Variants in SLC12A5 observed in about 807,000 individuals in gnomAD.
SLC12A5 encodes K-Cl cotransporter 2.
A neutral mutation model predicts 124.0 loss-of-function variants in SLC12A5; 18 were observed. The observed-to-expected ratio is 0.15, with a 90% CI of 0.10 to 0.22. The LOEUF is 0.22. Ranked by LOEUF, SLC12A5 falls within the 10% of genes least tolerant of loss-of-function variation. The probability of loss-of-function intolerance (pLI) is 1.00; values close to 1 mark genes in which losing one functional copy is unlikely to be tolerated. For synonymous variants in SLC12A5, 589 were observed against 568.0 expected (o/e 1.04, Z -0.53); for missense variants, 867 against 1,478.7 (o/e 0.59, Z 6.78).
chr20:46,050,202 T>A (rs2084635637), intron 17 of SLC12A5, among the ~76,000 whole-genome samples: 1 of 152,198 alleles, frequency 6.6e-6, no homozygotes, highest in African/African-American at 2.4e-5. Flanking sequence ...TATCCACATT[T>A]GATACAGGAA....
intron 15 of SLC12A5, among the ~76,000 whole-genome samples, 159 bp downstream of exon 15, chr20:46,047,732 A>G (rs2084608799): frequency 6.6e-6 from 1 of 151,864 alleles, no homozygotes; most frequent in Admixed American, 6.6e-5. Context: ...ATATGGGATG[A>G]CATTGGAAGA....
At position 46,034,948 on chromosome 20, in the gene SLC12A5, GTGA is replaced by G; in HGVS notation, c.56_58del (p.Asp19del). Reference sequence around the variant, plus strand: ...ATCCCTGACCCCTCTCCCTTCTCAGGTGATGGCAACCCCAAGGAAAGCAGTCCC... The same window carrying G: ...ATCCCTGACCCCTCTCCCTTCTCAGGTGGCAACCCCAAGGAAAGCAGTCCC... On this transcript the variant is annotated inframe_deletion and splice_region_variant, in exon 2 of 26. Transcript: ENST00000243964. 6.2e-7 allele frequency: 1 copy of G among 1,613,962 alleles called. No individual in the cohort carries two copies. The highest frequency in any genetic ancestry group is 8.5e-7 in the Non-Finnish European group (1 of 1,179,926).
upstream of SLC12A5, chr20:46,021,796 C>T (rs1347395340): frequency 6.5e-7 from 1 of 1,533,202 alleles, no homozygotes; most frequent in African/African-American, 1.4e-5. Context: ...CACCTCGCTG[C>T]CCCCCGCAGG....
At position 46,058,126 on chromosome 20, in the gene SLC12A5, T is replaced by TA. The variant is rs1029058485; in HGVS notation, c.*522dup. The stretch of plus-strand genomic sequence containing the variant: ...CGGGCGGCCGAGCCTATACATAGTG[T>TA]ACAGGAGACATCGCGTGTATTTTTA... On this transcript the variant is annotated 3_prime_UTR_variant, in exon 26 of 26. Transcript: ENST00000243964. This position sits in a 1 kb window ranked among gnomAD's most constrained non-coding sequence, Gnocchi z 5.8. 6.7e-5 allele frequency: 13 copies of TA among 193,480 alleles called. No individual in the cohort carries two copies. The highest frequency in any genetic ancestry group is 1.3e-4 in the Non-Finnish European group (12 of 95,794). The allele number at this position is 193,480 out of a possible 1,614,324, so 12.0% of individuals were successfully genotyped here. A position where few individuals can be genotyped will look rare whatever the true frequency, so the allele number is the denominator to read the frequency against.
chr20:46,043,475 G>T, intron 9 of SLC12A5, 152 bp downstream of exon 9: 1 of 1,236,380 alleles, frequency 8.1e-7, no homozygotes. Context: ...GGGAATTAAG[G>T]CCAGGAGAAG....
At chr20:46,055,625 C>T (rs2084682817) in intron 21 of SLC12A5, among the ~76,000 whole-genome samples, 1 of 152,100 alleles carries the variant, frequency 6.6e-6, no homozygotes, top group Non-Finnish European at 1.5e-5. Context: ...GACAGAAGGG[C>T]TCCTGGAGGT....
At position 46,035,433 on chromosome 20, in the gene SLC12A5, C is replaced by G; in HGVS notation, c.177C>G (p.Ser59=). Residue 59 remains serine, a synonymous_variant, in exon 3 of 26, where the codon TCC becomes TCG. Coordinates refer to ENST00000243964, the MANE Select transcript of SLC12A5 (RefSeq NM_020708.5). ...EEEMDTSPMV[S]SLLSGLANYT... is the part of the protein sequence containing the mutation. ...AGATGGACACCAGCCCTATGGTGTC[C>G]TCCTTGCTCAGTGGCCTGGCCAACT... 6.2e-7 allele frequency: 1 copy of G among 1,614,018 alleles called. No homozygotes were observed. The highest frequency in any genetic ancestry group is 8.5e-7 in the Non-Finnish European group (1 of 1,179,994).
rs575135513 is a variant in SLC12A5, at chr20:46,049,284, G to A, written c.2013-338G>A. ...TGGATAAGTTTATGTACACGTGGGC[G>A]GGCAAAAGCATGAATCGATGGATGT... On this transcript the variant is annotated intron_variant, in intron 16 of 25. Transcript: ENST00000243964. 3.3e-5 allele frequency among the ~76,000 whole-genome samples: 5 copies of A among 152,258 alleles called. No homozygotes were observed. The South Asian group carries it at 6.2e-4, about 19-fold the overall frequency.
intron 16 of SLC12A5, among the ~76,000 whole-genome samples, chr20:46,049,340 G>T (rs964074358): frequency 5.9e-5 from 9 of 152,170 alleles, no homozygotes; most frequent in African/African-American, 2.2e-4. Context: ...TAGATGTGTG[G>T]ATAATTGAAT....
At chr20:46,026,831 A>G (rs2084403816), upstream of SLC12A5, among the ~76,000 whole-genome samples, 1 of 152,188 alleles carries the variant, frequency 6.6e-6, no homozygotes, top group Admixed American at 6.5e-5. Flanking sequence ...ACTCTAGTGA[A>G]GGTGGACAGA....
chr20:46,044,392 G>C (rs2084575292), intron 11 of SLC12A5, among the ~76,000 whole-genome samples: 1 of 152,170 alleles, frequency 6.6e-6, no homozygotes, highest in African/African-American at 2.4e-5. Flanking sequence ...AAGCCCAGGG[G>C]CTTCAGTCCA....
upstream of SLC12A5, among the ~76,000 whole-genome samples, chr20:46,025,169 C>G (rs960230325): frequency 6.6e-6 from 1 of 152,154 alleles, no homozygotes; most frequent in African/African-American, 2.4e-5. Flanking sequence ...CATAAAAATG[C>G]TAAGATTTTG....
Position 46,056,777 on chromosome 20 carries a change from G to T in SLC12A5, c.3111-120G>T. The T allele has an allele frequency of 8.0e-7, 1 of 1,250,422 alleles. No homozygotes were observed. Among genetic ancestry groups the T allele is most frequent in the Non-Finnish European group, 1.2e-6 (1 of 857,242 alleles). 77.5% of individuals were successfully genotyped at this position (1,250,422 alleles called of 1,614,324 possible). On this transcript the variant is annotated intron_variant, in intron 23 of 25. Transcript: ENST00000243964. This position sits in a 1 kb window ranked among gnomAD's most constrained non-coding sequence, Gnocchi z 4.3. The stretch of plus-strand genomic sequence containing the variant: ...TGCAGGCAGCGGAAAGGTGAAGGGT[G>T]TGGGGGCTGGCAGAGCAGGACTCAG...
At position 46,029,478 on chromosome 20, in the gene SLC12A5, ACCT is replaced by A. The variant is rs537558660; in HGVS notation, c.52+86_52+88del. The A allele has an allele frequency of 4.9e-3, 7,003 of 1,429,760 alleles. 26 individuals are homozygous for A. Among genetic ancestry groups the A allele is most frequent in the Non-Finnish European group, 5.5e-3 (5,855 of 1,056,608 alleles). The allele number at this position is 1,429,760 out of a possible 1,614,324, so 88.6% of individuals were successfully genotyped here. ...TGGGGTTAGAGGCGGAGCGGGGGCC[ACCT>A]CCTTCAGAGAGGAGGCTGGGACTGA... On this transcript the variant is annotated intron_variant, in intron 1 of 25. Coordinates refer to ENST00000243964, the MANE Select transcript of SLC12A5 (RefSeq NM_020708.5).
In SLC12A5 at chr20:46,043,343, G is replaced by A. The variant is rs1416210798; in HGVS notation, c.1237+20G>A. On this transcript the variant is annotated intron_variant, in intron 9 of 25. Coordinates refer to ENST00000243964, the MANE Select transcript of SLC12A5 (RefSeq NM_020708.5). ...TCACAGGTGAAGGGGAGCTCAGAGA[G>A]GGAAGACTCTGCCTGTGAGTGGATG... 3 of 1,610,128 alleles carry A rather than the reference G, an allele frequency of 1.9e-6. No individual in the cohort carries two copies. Among genetic ancestry groups the A allele is most frequent in the East Asian group, 2.2e-5 (1 of 44,776 alleles).
intron 4 of SLC12A5, 40 bp downstream of exon 4, chr20:46,035,963 G>A: frequency 6.3e-7 from 1 of 1,580,348 alleles, no homozygotes; most frequent in Non-Finnish European, 8.6e-7. Context: ...CTGACAGCTG[G>A]GGCTTGGCAG....
At chr20:46,050,463 G>A (rs1325024339) in intron 17 of SLC12A5, among the ~76,000 whole-genome samples, 2 of 152,232 alleles carry the variant, frequency 1.3e-5, no homozygotes, top group African/African-American at 4.8e-5. Context: ...GAGGAAGTAG[G>A]TTCTGTCTGA....
rs1405598986 is a variant in SLC12A5, at chr20:46,056,610, G to C, written c.3110+46G>C. 6.3e-7 allele frequency: 1 copy of C among 1,575,050 alleles called. No homozygotes were observed. Among genetic ancestry groups the C allele is most frequent in the Non-Finnish European group, 8.6e-7 (1 of 1,157,968 alleles). On this transcript the variant is annotated intron_variant, in intron 23 of 25. Coordinates refer to ENST00000243964, the MANE Select transcript of SLC12A5 (RefSeq NM_020708.5). The surrounding 1 kb of genome is among the most constrained non-coding windows in gnomAD (Gnocchi z 4.3). ...GGCTGGGGGCTGGGGTGAGCTAAAGGGTCTTGCTCCCCATGGCAGAGCAAG... is the reference window on the plus strand; with the variant it reads ...GGCTGGGGGCTGGGGTGAGCTAAAGCGTCTTGCTCCCCATGGCAGAGCAAG...
Position 46,057,263 on chromosome 20 carries a change from C to T in SLC12A5, c.3219C>T (p.Asn1073=), listed in dbSNP as rs1289720826. ...GGGACGCCAAGCTTGTTTTGCTCAA[C>T]ATGCCTGGGCCTCCCCGCAACCGCA... ...KSRDAKLVLL[N]MPGPPRNRNG... is the part of the protein sequence containing the mutation. Residue 1073 remains asparagine, a synonymous_variant, in exon 25 of 26, where the codon AAC becomes AAT. Coordinates refer to ENST00000243964, the MANE Select transcript of SLC12A5 (RefSeq NM_020708.5). This position sits in a 1 kb window ranked among gnomAD's most constrained non-coding sequence, Gnocchi z 7.1. 2 of 1,614,252 alleles carry T rather than the reference C, an allele frequency of 1.2e-6. No individual in the cohort carries two copies. The highest frequency in any genetic ancestry group is 3.3e-5 in the Admixed American group (2 of 60,032).
Sources: gnomAD v4.1 joint callset for allele counts (sites outside exome capture counted in the v4.1 genomes callset) on GRCh38, gnomAD v4.1.1 for gene constraint, Gnocchi (gnomAD v3.1) non-coding constraint, MANE v1.5 for transcripts, NCBI Gene and HGNC (gene_info 2026-07-23, HGNC 2026-07-21) for gene names.